The following ASTN1 variants were observed in gnomAD, a reference collection of about 807,000 sequenced individuals.
The protein encoded by ASTN1 is astrotactin 1.
Under a neutral mutation model 140.7 loss-of-function variants are expected in ASTN1, and 41 were observed. The observed-to-expected ratio is 0.29, with a 90% CI of 0.23 to 0.38. The LOEUF is 0.38. ASTN1 is among the 10% of genes least tolerant of loss of function. The probability of loss-of-function intolerance (pLI) is 1.00; values close to 1 mark genes in which losing one functional copy is unlikely to be tolerated. For synonymous variants in ASTN1, 640 were observed against 652.2 expected, an observed-to-expected ratio of 0.98 and a Z score of 0.29; for missense variants, 1,479 against 1,678.8, an observed-to-expected ratio of 0.88 and a Z score of 2.08.
chr1:176,886,139 A>G (rs1669022831), intron 18 of ASTN1, among the ~76,000 whole-genome samples: 1 of 152,218 alleles, frequency 6.6e-6, no homozygotes, highest in South Asian at 2.1e-4. Context: ...ATAGAAGTGT[A>G]TATGATTTAC....
At chr1:176,917,110 C>G (rs1337967016) in intron 16 of ASTN1, among the ~76,000 whole-genome samples, 3 of 152,216 alleles carry the variant, frequency 2.0e-5, no homozygotes, top group Non-Finnish European at 2.9e-5. Flanking sequence ...CTGCCCCATC[C>G]AGATCTGGAG....
At chr1:176,979,831 A>G (rs529566644) in intron 8 of ASTN1, among the ~76,000 whole-genome samples, 1 of 152,106 alleles carries the variant, frequency 6.6e-6, no homozygotes, top group African/African-American at 2.4e-5. Flanking sequence ...TGTGTATGAG[A>G]GTTTGTGTGT....
chr1:176,931,487 C>T (rs1355676173), intron 16 of ASTN1, among the ~76,000 whole-genome samples: 5 of 152,006 alleles, frequency 3.3e-5, no homozygotes, highest in East Asian at 1.9e-4. Flanking sequence ...AATAAATAAA[C>T]AAATAAATAA....
chr1:177,128,754 A>G (rs1313215587), intron 1 of ASTN1, among the ~76,000 whole-genome samples: 1 of 152,156 alleles, frequency 6.6e-6, no homozygotes, highest in Non-Finnish European at 1.5e-5. Flanking sequence ...GTTTAATTTT[A>G]TAGAATGCAT....
At chr1:177,107,687 G>A (rs1234526110) in intron 1 of ASTN1, among the ~76,000 whole-genome samples, 1 of 152,184 alleles carries the variant, frequency 6.6e-6, no homozygotes, top group Non-Finnish European at 1.5e-5. Flanking sequence ...TCTAGTAACT[G>A]CCTCCTTCTT....
intron 1 of ASTN1, among the ~76,000 whole-genome samples, chr1:177,110,069 C>A (rs1680747426): frequency 6.6e-6 from 1 of 152,038 alleles, no homozygotes; most frequent in African/African-American, 2.4e-5. Context: ...ATTTATCTAC[C>A]AATAAAACAC....
chr1:177,070,416 T>A (rs1353296429), intron 1 of ASTN1, among the ~76,000 whole-genome samples: 2 of 152,166 alleles, frequency 1.3e-5, no homozygotes, highest in South Asian at 4.1e-4. Flanking sequence ...CCTTATAAAA[T>A]GAATGGAAAA....
At chr1:177,132,646 A>C (rs539009640) in intron 1 of ASTN1, among the ~76,000 whole-genome samples, 28 of 152,278 alleles carry the variant, frequency 1.8e-4, no homozygotes, top group African/African-American at 6.7e-4. Context: ...AATGGCTAGG[A>C]TCTACCTGGG....
chr1:176,994,374 T>A (rs546188250), intron 8 of ASTN1, among the ~76,000 whole-genome samples: 3 of 152,142 alleles, frequency 2.0e-5, no homozygotes, highest in Non-Finnish European at 4.4e-5. Context: ...TTATACTTTT[T>A]TTTTTGAGCT....
intron 16 of ASTN1, among the ~76,000 whole-genome samples, chr1:176,908,592 C>T (rs1670099503): frequency 6.6e-6 from 1 of 152,164 alleles, no homozygotes; most frequent in Non-Finnish European, 1.5e-5. Context: ...AGCTCTGAGA[C>T]ATCATAAGAT....
At chr1:176,909,204 C>T (rs1008691563) in intron 16 of ASTN1, among the ~76,000 whole-genome samples, 1 of 152,222 alleles carries the variant, frequency 6.6e-6, no homozygotes, top group African/African-American at 2.4e-5. Context: ...TGGAGCCACA[C>T]AGTCCCCGAC....
chr1:176,868,618 AT>A (rs972889495), intron 22 of ASTN1, among the ~76,000 whole-genome samples: 2 of 151,980 alleles, frequency 1.3e-5, no homozygotes, highest in Admixed American at 6.6e-5. Flanking sequence ...CAAGAGCAAA[AT>A]TTTTTTTCAG....
chr1:177,056,303 T>C (rs1677800032), intron 2 of ASTN1, among the ~76,000 whole-genome samples: 1 of 152,168 alleles, frequency 6.6e-6, no homozygotes, highest in South Asian at 2.1e-4. Context: ...TCTCCAAATC[T>C]TGTTCCCAAC....
At chr1:177,150,679 T>C (rs143063275) in intron 1 of ASTN1, among the ~76,000 whole-genome samples, 42 of 152,236 alleles carry the variant, frequency 2.8e-4, no homozygotes, top group African/African-American at 1.0e-3. Flanking sequence ...GAGAAGGGTG[T>C]GACCCTAGTT....
chr1:176,936,422 AAATCAAAAAGCATGACCCACCTC>A (rs1303680228), intron 14 of ASTN1, 52 bp from the exon 15 acceptor site: 1 of 1,482,018 alleles, frequency 6.7e-7, no homozygotes, highest in Non-Finnish European at 9.3e-7. Flanking sequence ...CATAAGTTCC[AAATCAAAAAGCATGACCCACCTC>A]TATGAGGCGA....
intron 1 of ASTN1, among the ~76,000 whole-genome samples, chr1:177,122,144 T>G (rs1024327236): frequency 7.2e-5 from 11 of 152,078 alleles, no homozygotes; most frequent in African/African-American, 2.4e-4. Context: ...CATGCCAAAG[T>G]GGTTTTAAAA....
intron 2 of ASTN1, among the ~76,000 whole-genome samples, chr1:177,046,628 T>C (rs188730928): frequency 2.6e-5 from 4 of 152,328 alleles, no homozygotes; most frequent in South Asian, 2.1e-4. Flanking sequence ...AAACCTTTTA[T>C]AGTAATTTTG....
intron 8 of ASTN1, among the ~76,000 whole-genome samples, chr1:176,978,542 C>T (rs1335713498): frequency 6.6e-6 from 1 of 152,086 alleles, no homozygotes; most frequent in East Asian, 1.9e-4. Flanking sequence ...GTAAGATGGC[C>T]TCAGAGTTTT....
chr1:176,985,739 G>C (rs2101888573), intron 8 of ASTN1, among the ~76,000 whole-genome samples: 1 of 152,026 alleles, frequency 6.6e-6, no homozygotes, highest in East Asian at 1.9e-4. Flanking sequence ...GTCCTTCTGA[G>C]GTATAGGTAT....
Sources: allele counts gnomAD v4.1 joint callset (sites outside exome capture counted in the v4.1 genomes callset), GRCh38; gene constraint gnomAD v4.1.1; transcripts MANE v1.5; gene names NCBI Gene and HGNC (gene_info 2026-07-23, HGNC 2026-07-21).